Variants in ACLY observed in about 807,000 individuals in gnomAD.
ACLY encodes the protein ATP-citrate synthase.
Under a neutral mutation model 133.0 loss-of-function variants are expected in ACLY, and 41 were observed. That is an observed-to-expected ratio of 0.31 (90% CI 0.24 to 0.40). ACLY has a LOEUF of 0.40. Among genes scored for constraint, ACLY ranks in the 10% least tolerant of loss-of-function variants. ACLY has a pLI of 1.00. For synonymous variants in ACLY, 495 were observed against 549.3 expected (o/e 0.90, Z 1.38); for missense variants, 1,046 against 1,453.8 (o/e 0.72, Z 4.56).
At chr17:41,919,722 C>T (rs2050152467), upstream of ACLY, among the ~76,000 whole-genome samples, 1 of 152,234 alleles carries the variant, frequency 6.6e-6, no homozygotes. Flanking sequence ...CAGACAGTCT[C>T]TTGTTCCCAC....
chr17:41,898,514 G>T, intron 12 of ACLY, 117 bp downstream of exon 12: 2 of 1,340,080 alleles, frequency 1.5e-6, no homozygotes, highest in Non-Finnish European at 2.0e-6. Context: ...AACCAACCAT[G>T]CACTAACTCC....
upstream of ACLY, among the ~76,000 whole-genome samples, chr17:41,919,725 G>C (rs1188180476): frequency 6.6e-6 from 1 of 152,228 alleles, no homozygotes; most frequent in Non-Finnish European, 1.5e-5. Context: ...ACAGTCTCTT[G>C]TTCCCACCAA....
At chr17:41,885,331 T>G (rs1470373582) in intron 18 of ACLY, among the ~76,000 whole-genome samples, 1 of 152,198 alleles carries the variant, frequency 6.6e-6, no homozygotes, top group African/African-American at 2.4e-5. Flanking sequence ...GTGAGAGTTC[T>G]TCCTCACCCA....
At chr17:41,893,854 TC>T (rs1456318204) in intron 14 of ACLY, among the ~76,000 whole-genome samples, 4 of 152,152 alleles carry the variant, frequency 2.6e-5, no homozygotes, top group Non-Finnish European at 5.9e-5. Context: ...CCTTCTCCCT[TC>T]TACCAGGTGG....
At chr17:41,887,921 A>G (rs994159235) in intron 16 of ACLY, among the ~76,000 whole-genome samples, 3 of 152,248 alleles carry the variant, frequency 2.0e-5, no homozygotes, top group Non-Finnish European at 4.4e-5. Context: ...TAAGGTCAGG[A>G]GTTCGAGACC....
Position 41,904,721 on chromosome 17 carries a change from A to G in ACLY, c.1065+8T>C. ...CCCCAGAAACTGCACCACTGTTGCA[A>G]CTGTTACCTTGAACGTGGCAGCCAC... On this transcript the variant is annotated splice_region_variant and intron_variant, in intron 10 of 28. Coordinates refer to ENST00000352035, the MANE Select transcript of ACLY (RefSeq NM_001096.3). 1 of 1,613,182 alleles carries G rather than the reference A, an allele frequency of 6.2e-7. No individual in the cohort carries two copies. Among genetic ancestry groups the G allele is most frequent in the South Asian group, 1.1e-5 (1 of 91,056 alleles).
At chr17:41,919,169 C>T (rs2050139057), upstream of ACLY, 21 of 917,166 alleles carry the variant, frequency 2.3e-5, no homozygotes, top group South Asian at 3.8e-4. Context: ...CATCCACCGC[C>T]TCTTGGGAGC....
chr17:41,912,466 T>C lies in ACLY; in HGVS notation c.236A>G (p.Asp79Gly). 6.2e-7 allele frequency: 1 copy of C among 1,614,194 alleles called. No individual in the cohort carries two copies. The highest frequency in any genetic ancestry group is 8.5e-7 in the Non-Finnish European group (1 of 1,180,026). ...TGGCTTCAGCCAGGACTTGACCCCA[T>C]CCAGAGTGAGGTTGACCCCAACGAG... ...LGLVGVNLTL[D>G]GVKSWLKPRL... The change falls in exon 3 of 29, where the codon GAT becomes GGT. Residue 79 changes from aspartate to glycine, a missense_variant. Around this residue, in one of 4 missense-constraint regions of ACLY, gnomAD observed 227 missense variants for 245.6 expected, o/e 0.92. Coordinates refer to ENST00000352035, the MANE Select transcript of ACLY (RefSeq NM_001096.3).
intron 17 of ACLY, among the ~76,000 whole-genome samples, chr17:41,886,815 A>G (rs2049058463): frequency 6.6e-6 from 1 of 152,078 alleles, no homozygotes; most frequent in East Asian, 1.9e-4. Context: ...AAAAAAACAA[A>G]CAAAAAATAA....
At chr17:41,891,681 C>T (rs1461168454) in intron 16 of ACLY, among the ~76,000 whole-genome samples, 1 of 151,950 alleles carries the variant, frequency 6.6e-6, no homozygotes, top group Non-Finnish European at 1.5e-5. Context: ...CCATGCCCAG[C>T]GTATATTTTA....
At chr17:41,890,854 A>AAG (rs1384945644) in intron 16 of ACLY, among the ~76,000 whole-genome samples, 1 of 150,074 alleles carries the variant, frequency 6.7e-6, no homozygotes, top group Non-Finnish European at 1.5e-5. Context: ...AAAAAAAAAA[A>AAG]AAAAAGCCAG....
intron 16 of ACLY, among the ~76,000 whole-genome samples, chr17:41,889,238 G>A (rs377539914): frequency 6.6e-6 from 1 of 152,154 alleles, no homozygotes; most frequent in African/African-American, 2.4e-5. Flanking sequence ...AGAAGCAGCA[G>A]CCGGACGTGG....
At position 41,909,529 on chromosome 17, in the gene ACLY, C is replaced by A. The variant is rs372205779; in HGVS notation, c.517G>T (p.Ala173Ser). The A allele has an allele frequency of 1.4e-5, 22 of 1,613,954 alleles. 1 individual carries two copies. The South Asian group carries it at 2.0e-4, about 14-fold the overall frequency. Residue 173 changes from alanine (A) to serine (S), a missense_variant, in exon 5 of 29, where the codon GCC becomes TCC. Ala to Ser is a moderately conservative substitution (Grantham distance 99, BLOSUM62 1). This residue lies in a region of ACLY where 227 missense variants were observed against 245.6 expected (regional missense o/e 0.92). Transcript: ENST00000352035. ...EDIKKHLLVH[A>S]PEDKKEILAS... ...CTCAACTCTTTCTTGTCTTCAGGGGCGTGGACCAACAGGTGTTTTTTGATG... is the reference window on the plus strand; with the variant it reads ...CTCAACTCTTTCTTGTCTTCAGGGGAGTGGACCAACAGGTGTTTTTTGATG...
In ACLY at chr17:41,873,806, C is replaced by G. The variant is rs782247733; in HGVS notation, c.2642+5G>C. The G allele has an allele frequency of 1.3e-6, 2 of 1,555,150 alleles. No homozygotes were observed. Among genetic ancestry groups the G allele is most frequent in the Middle Eastern group, 1.7e-4 (1 of 5,794 alleles). ...GCCCTGTAATCTTCTGCCCTCCATG[C>G]TCACCTTTTCTGGAACCAGAGGAGG... On this transcript the variant is annotated splice_donor_5th_base_variant and intron_variant, in intron 23 of 28. Coordinates refer to ENST00000352035, the MANE Select transcript of ACLY (RefSeq NM_001096.3).
In ACLY at chr17:41,878,824, C is replaced by T. The variant is rs2048830039; in HGVS notation, c.2366G>A (p.Ser789Asn). The change falls in exon 21 of 29, where the codon AGC (serine) becomes AAC (asparagine). Residue 789 changes from serine (S) to asparagine (N), a missense_variant. Ser to Asn is a conservative substitution (Grantham distance 46). Coordinates refer to ENST00000352035, the MANE Select transcript of ACLY (RefSeq NM_001096.3). ...LKEAGVFVPR[S>N]FDELGEIIQS... Reference sequence around the variant, plus strand: ...GATGATCTCTCCAAGCTCATCAAAGCTCCGGGGCACAAACACTCCTGCTTC... The same window carrying T: ...GATGATCTCTCCAAGCTCATCAAAGTTCCGGGGCACAAACACTCCTGCTTC... 1.9e-6 allele frequency: 3 copies of T among 1,613,946 alleles called. No homozygotes were observed. The highest frequency in any genetic ancestry group is 3.3e-5 in the Admixed American group (2 of 59,982).
chr17:41,901,796 A>G lies in ACLY; in HGVS notation c.1083T>C (p.Ile361=), dbSNP rs782258373. The G allele has an allele frequency of 6.3e-7, 1 of 1,589,690 alleles. No individual in the cohort carries two copies. Among genetic ancestry groups the G allele is most frequent in the Non-Finnish European group, 8.6e-7 (1 of 1,165,560 alleles). The change falls in exon 11 of 29, where the codon ATT becomes ATC. Residue 361 remains isoleucine (I), a synonymous_variant. Transcript: ENST00000352035. ...CCTTCAGGGGGCCCTGGTAATCTCG[A>G]ATTGCTCTCACGATGCCCTGGAAGC... ...AATFKGIVRA[I]RDYQGPLKEH...
intron 19 of ACLY, among the ~76,000 whole-genome samples, chr17:41,883,675 C>T (rs1555627734): frequency 6.9e-6 from 1 of 144,964 alleles, no homozygotes; most frequent in Non-Finnish European, 1.5e-5. Context: ...ACCTCTGTCT[C>T]CTGGGTTCAA....
chr17:41,888,672 G>A (rs2049118197), intron 16 of ACLY, among the ~76,000 whole-genome samples: 1 of 151,962 alleles, frequency 6.6e-6, no homozygotes, highest in Non-Finnish European at 1.5e-5. Flanking sequence ...GATCCCTTGA[G>A]CCCAAGAGTT....
rs367579663 is a variant in ACLY at position 41,878,681 on chromosome 17, C to T, written c.2393+116G>A. On this transcript the variant is annotated intron_variant, in intron 21 of 28. Transcript: ENST00000352035. ...GGATTTTGAACCATCCATACAGCTG[C>T]GCTAGACACCGAGAGGGACCAGGAA... The T allele has an allele frequency of 1.5e-5, 19 of 1,304,054 alleles. No homozygotes were observed. The Admixed American group carries it at 1.6e-4, about 11-fold the overall frequency. The allele number at this position is 1,304,054 out of a possible 1,614,324, so 80.8% of individuals were successfully genotyped here. A position where few individuals can be genotyped will look rare whatever the true frequency, so the allele number is the denominator to read the frequency against.
Sources: allele counts gnomAD v4.1 joint callset (sites outside exome capture counted in the v4.1 genomes callset), GRCh38; gene constraint gnomAD v4.1.1; regional missense constraint gnomAD v4.1.1; transcripts MANE v1.5; gene names NCBI Gene and HGNC (gene_info 2026-07-23, HGNC 2026-07-21).